USP35: variants seen among roughly 807,000 people sequenced by gnomAD.
USP35 encodes ubiquitin specific peptidase 35, also known as ubiquitin carboxyl-terminal hydrolase 35.
In USP35, 69 loss-of-function variants were observed where a neutral mutation model predicts 83.8. The observed-to-expected ratio is 0.82, with a 90% CI of 0.68 to 1.01. The LOEUF (loss-of-function observed/expected upper bound fraction) is 1.01. Among genes scored for constraint, USP35 ranks in the 50% least tolerant of loss-of-function variants. The pLI is 0.00. For missense variants in USP35, 1,503 were observed against 1,362.5 expected, an observed-to-expected ratio of 1.10 and a Z score of -1.62; for synonymous variants, 714 against 589.5, an observed-to-expected ratio of 1.21 and a Z score of -3.06.
the USP35 span, among the ~76,000 whole-genome samples, chr11:78,234,771 T>C: frequency 1.3e-5 from 2 of 152,074 alleles, no homozygotes; most frequent in Non-Finnish European, 2.9e-5. Context: ...TCAAGTAATA[T>C]AAATCCTGAC....
At chr11:78,191,841 C>CTT (rs1215811595) in intron 1 of USP35, among the ~76,000 whole-genome samples, 41 of 133,464 alleles carry the variant, frequency 3.1e-4, no homozygotes, top group Admixed American at 4.5e-4. Context: ...CGGCCCTCAT[C>CTT]TTTTTTTTTT....
In USP35 at chr11:78,200,779, CT is replaced by C; in HGVS notation, c.1169del (p.Leu390ArgfsTer83). On this transcript the variant is annotated frameshift_variant, in exon 6 of 11. Transcript: ENST00000529308. LOFTEE classifies it high-confidence loss of function. ...GTTCCGGTTCCCGGGCTTCCCGGATCTGTATGAGCCTGTCATGGAGGCCATC... is the reference window on the plus strand; with the variant it reads ...GTTCCGGTTCCCGGGCTTCCCGGATCGTATGAGCCTGTCATGGAGGCCATC... ...MVFRFPGFPD[L>X]YEPVMEAIKD... The C allele has an allele frequency of 6.2e-7, 1 of 1,612,372 alleles. No individual in the cohort carries two copies. Among genetic ancestry groups the C allele is most frequent in the Middle Eastern group, 1.7e-4 (1 of 6,054 alleles).
chr11:78,220,537 C>T, the USP35 span: 1 of 1,118,296 alleles, frequency 8.9e-7, no homozygotes, highest in East Asian at 2.5e-5. Flanking sequence ...ACACTGTTTC[C>T]CTGAGCCCTA....
chr11:78,228,407 A>G, the USP35 span, among the ~76,000 whole-genome samples: 5 of 152,212 alleles, frequency 3.3e-5, no homozygotes, highest in Non-Finnish European at 5.9e-5. Flanking sequence ...ATTCTGGTCA[A>G]AAGCTCTTGG....
chr11:78,200,471 T>G (rs1863313649), intron 5 of USP35, among the ~76,000 whole-genome samples, 179 bp from the exon 6 acceptor site: 1 of 152,238 alleles, frequency 6.6e-6, no homozygotes, highest in African/African-American at 2.4e-5. Context: ...TAGATCATAT[T>G]GTTGGGAAAA....
chr11:78,214,388 G>GGGGGC lies in USP35; in HGVS notation c.*576_*577insGGGCG, dbSNP rs1863990844. The GGGGGC allele has an allele frequency of 7.6e-6, 1 of 132,394 alleles. No homozygotes were observed. The highest frequency in any genetic ancestry group is 1.7e-5 in the Non-Finnish European group (1 of 59,334). The allele number at this position is 132,394 out of a possible 1,614,324, so 8.2% of individuals were successfully genotyped here. A position where few individuals can be genotyped will look rare whatever the true frequency, so the allele number is the denominator to read the frequency against. ...GCCACTGCATGGTTTTGGGGGGGGG[G>GGGGGC]GCGGGGGGCTAGCTTCTCACAGCAG... On this transcript the variant is annotated 3_prime_UTR_variant, in exon 11 of 11. Coordinates refer to ENST00000529308, the MANE Select transcript of USP35 (RefSeq NM_020798.4).
chr11:78,189,743 G>C (rs1011560962), intron 1 of USP35, among the ~76,000 whole-genome samples: 2 of 152,212 alleles, frequency 1.3e-5, no homozygotes, highest in Non-Finnish European at 2.9e-5. Context: ...AGGAGGAATA[G>C]CTGCTCCTGC....
intron 1 of USP35, among the ~76,000 whole-genome samples, chr11:78,195,497 T>G (rs1441256227): frequency 6.6e-6 from 1 of 152,116 alleles, no homozygotes; most frequent in East Asian, 1.9e-4. Flanking sequence ...CCTTGGGGCC[T>G]CTTGCCCTTT....
intron 10 of USP35, among the ~76,000 whole-genome samples, chr11:78,212,019 C>T (rs939454795): frequency 3.9e-5 from 6 of 152,166 alleles, no homozygotes; most frequent in African/African-American, 1.2e-4. Context: ...TTTGCCTATG[C>T]CTATGTCCTG....
At position 78,208,970 on chromosome 11, in the gene USP35, G is replaced by A; in HGVS notation, c.1592+7G>A. The A allele has an allele frequency of 6.2e-7, 1 of 1,613,668 alleles. No individual in the cohort carries two copies. The highest frequency in any genetic ancestry group is 8.5e-7 in the Non-Finnish European group (1 of 1,179,632). Reference sequence around the variant, plus strand: ...TGAAGTACCTGCTGGATCGGTAAGGGGGCCAGGGCTACGCGAAGACTCCAG... The same window carrying A: ...TGAAGTACCTGCTGGATCGGTAAGGAGGCCAGGGCTACGCGAAGACTCCAG... On this transcript the variant is annotated splice_region_variant and intron_variant, in intron 9 of 10. Transcript: ENST00000529308.
At chr11:78,221,988 C>T in the USP35 span, 1 of 759,088 alleles carries the variant, frequency 1.3e-6, no homozygotes, top group African/African-American at 1.7e-5. Context: ...ACATGATCAG[C>T]TAATGATAGC....
At chr11:78,223,799 AGGGAGACCTTG>A in the USP35 span, 44 of 825,452 alleles carry the variant, frequency 5.3e-5, no homozygotes, top group Admixed American at 3.0e-4. Flanking sequence ...TGAAGCTGTA[AGGGAGACCTTG>A]GGGAGACCAA....
rs1565393899 is a variant in USP35 at position 78,196,013 on chromosome 11, T to TCAC, written c.-10-219_-10-217dup. Among the ~76,000 whole-genome samples the TCAC allele has an allele frequency of 6.6e-6, 1 of 152,094 alleles. No homozygotes were observed. The highest frequency in any genetic ancestry group is 1.5e-5 in the Non-Finnish European group (1 of 67,996). ...AAAGTGCTGGGATTACAGGTGTGAG[T>TCAC]CACCACGCAGGCCCCTGGCATTTAT... On this transcript the variant is annotated intron_variant, in intron 1 of 10. Coordinates refer to ENST00000529308, the MANE Select transcript of USP35 (RefSeq NM_020798.4). The surrounding 1 kb of genome is among the most constrained non-coding windows in gnomAD (Gnocchi z 4.8).
intron 7 of USP35, chr11:78,207,268 A>G: frequency 5.2e-6 from 2 of 383,930 alleles, no homozygotes; most frequent in South Asian, 7.4e-5. Context: ...CGTAGGTCTC[A>G]GAGCTGGAAG....
rs908674003 is a variant in USP35 at position 78,210,202 on chromosome 11, G to A, written c.2347G>A (p.Glu783Lys). 6.2e-7 allele frequency: 1 copy of A among 1,613,962 alleles called. No individual in the cohort carries two copies. Among genetic ancestry groups the A allele is most frequent in the African/African-American group, 1.3e-5 (1 of 74,984 alleles). The stretch of plus-strand genomic sequence containing the variant: ...GACAGCAGAAAACCGCTACTACTGC[G>A]AGTCGTGTGCCTCCCTGCAGGATGC... Reference protein sequence around the residue: ...KLTAENRYYCESCASLQDAEK... With the variant: ...KLTAENRYYCKSCASLQDAEK... The change falls in exon 10 of 11, where the codon GAG becomes AAG. Residue 783 changes from glutamate (E) to lysine (K), a missense_variant. By Grantham distance (56) the Glu-to-Lys change is moderately conservative. Transcript: ENST00000529308.
downstream of USP35, chr11:78,215,306 T>TTCTAGTGGACTTTATTG (rs1864065087): frequency 6.6e-6 from 1 of 152,548 alleles, no homozygotes; most frequent in African/African-American, 2.4e-5. Flanking sequence ...TGGGGTGCAT[T>TTCTAGTGGACTTTATTG]TCTAGTGGAC....
At chr11:78,212,908 C>T (rs752211335) in intron 10 of USP35, among the ~76,000 whole-genome samples, 20 of 150,616 alleles carry the variant, frequency 1.3e-4, no homozygotes, top group Middle Eastern at 3.4e-3. Context: ...GAGGATGCTT[C>T]GGGTGTGGGG....
At chr11:78,227,150 A>C in the USP35 span, 15 of 763,452 alleles carry the variant, frequency 2.0e-5, no homozygotes, top group Admixed American at 4.3e-5. Context: ...TGGTTTAGGC[A>C]TCTGTAAAAT....
the USP35 span, among the ~76,000 whole-genome samples, chr11:78,234,463 T>C: frequency 6.6e-6 from 1 of 151,986 alleles, no homozygotes; most frequent in South Asian, 2.1e-4. Context: ...ATATGAAGGG[T>C]TGCTGTTCTT....
Sources: gnomAD v4.1 joint callset for allele counts (sites outside exome capture counted in the v4.1 genomes callset) on GRCh38, gnomAD v4.1.1 for gene constraint, Gnocchi (gnomAD v3.1) non-coding constraint, MANE v1.5 for transcripts, NCBI Gene and HGNC (gene_info 2026-07-23, HGNC 2026-07-21) for gene names.